Variants in REDIC1 observed in about 807,000 individuals in gnomAD.
REDIC1 encodes HEI10 Interacting Protein 1.
the REDIC1 span, among the ~76,000 whole-genome samples, chr12:39,832,307 T>C: frequency 6.6e-4 from 101 of 152,280 alleles, no homozygotes; most frequent in South Asian, 2.1e-3. Context: ...AATTTAACAA[T>C]ACTAATTGTT....
At chr12:39,797,766 A>G in the REDIC1 span, among the ~76,000 whole-genome samples, 1 of 152,040 alleles carries the variant, frequency 6.6e-6, no homozygotes, top group South Asian at 2.1e-4. Flanking sequence ...ACACACACAC[A>G]CACACACACA....
chr12:39,858,970 C>T, the REDIC1 span, among the ~76,000 whole-genome samples: 3 of 152,028 alleles, frequency 2.0e-5, no homozygotes, highest in Non-Finnish European at 4.4e-5. Context: ...TTACAGTGCT[C>T]ATGTTAATGA....
the REDIC1 span, chr12:39,684,901 C>T: frequency 3.1e-6 from 5 of 1,612,430 alleles, no homozygotes; most frequent in South Asian, 1.1e-5. Flanking sequence ...GCACTCTAAG[C>T]AGTCATGGGA....
At chr12:39,749,775 A>G in the REDIC1 span, among the ~76,000 whole-genome samples, 2 of 152,242 alleles carry the variant, frequency 1.3e-5, no homozygotes, top group Non-Finnish European at 2.9e-5. Context: ...ACGGAAATCA[A>G]TAAAAGTAAT....
the REDIC1 span, among the ~76,000 whole-genome samples, chr12:39,713,325 T>TAC: frequency 2.2e-5 from 3 of 136,376 alleles, no homozygotes; most frequent in Non-Finnish European, 4.7e-5. Context: ...TATATGTGTA[T>TAC]ACACATATAC....
chr12:39,753,304 TA>T, the REDIC1 span, among the ~76,000 whole-genome samples: 2 of 152,150 alleles, frequency 1.3e-5, no homozygotes, highest in Non-Finnish European at 1.5e-5. Context: ...TAGAGAGGGT[TA>T]ATGTCACGGT....
At chr12:39,704,162 G>C in the REDIC1 span, among the ~76,000 whole-genome samples, 4 of 151,054 alleles carry the variant, frequency 2.6e-5, no homozygotes, top group African/African-American at 9.7e-5. Flanking sequence ...GAAAATTTTC[G>C]CATCCTACTC....
chr12:39,757,372 A>G, the REDIC1 span: 5 of 151,876 alleles, frequency 3.3e-5, no homozygotes, highest in African/African-American at 1.2e-4. Context: ...TGATACTACA[A>G]ATGGAATGTT....
chr12:39,841,230 C>A, the REDIC1 span, among the ~76,000 whole-genome samples: 2,215 of 152,250 alleles, frequency 0.015, 27 homozygotes, highest in Middle Eastern at 0.024. Context: ...CTGTTAAAGG[C>A]AGCAATTTAG....
chr12:39,640,339 C>T, the REDIC1 span, among the ~76,000 whole-genome samples: 1 of 151,982 alleles, frequency 6.6e-6, no homozygotes, highest in Middle Eastern at 3.4e-3. Flanking sequence ...TCTGTTGGTG[C>T]CTTGATCTTG....
the REDIC1 span, among the ~76,000 whole-genome samples, chr12:39,675,635 G>A: frequency 1.3e-5 from 2 of 152,194 alleles, no homozygotes; most frequent in African/African-American, 2.4e-5. Flanking sequence ...TTCACTGCTA[G>A]CATAAGCAGC....
At chr12:39,713,792 GATGTATATATGCATGTGTAT>G in the REDIC1 span, among the ~76,000 whole-genome samples, 4 of 146,894 alleles carry the variant, frequency 2.7e-5, no homozygotes, top group African/African-American at 1.0e-4. Flanking sequence ...AATATACATA[GATGTATATATGCATGTGTAT>G]ATATACGTGT....
At chr12:39,790,376 C>T in the REDIC1 span, among the ~76,000 whole-genome samples, 2 of 119,820 alleles carry the variant, frequency 1.7e-5, no homozygotes, top group South Asian at 6.6e-4. Flanking sequence ...CCCCCTCCCC[C>T]CACCCCACCA....
chr12:39,632,449 T>A, the REDIC1 span, among the ~76,000 whole-genome samples: 20 of 152,290 alleles, frequency 1.3e-4, no homozygotes, highest in South Asian at 3.9e-3. Flanking sequence ...TTTTAGAGAT[T>A]GACAACGTAG....
chr12:39,640,779 GT>G, the REDIC1 span, among the ~76,000 whole-genome samples: 1 of 151,462 alleles, frequency 6.6e-6, no homozygotes, highest in East Asian at 1.9e-4. Context: ...AGAAAATTTT[GT>G]GAAACTTCAT....
chr12:39,666,479 T>G, the REDIC1 span, among the ~76,000 whole-genome samples: 6 of 152,226 alleles, frequency 3.9e-5, no homozygotes, highest in Non-Finnish European at 7.3e-5. Context: ...AGTATTTTAT[T>G]GAGGACTTTT....
At chr12:39,713,809 GTATA>G in the REDIC1 span, among the ~76,000 whole-genome samples, 1 of 147,332 alleles carries the variant, frequency 6.8e-6, no homozygotes, top group Non-Finnish European at 1.5e-5. Context: ...ATATGCATGT[GTATA>G]TATACGTGTA....
chr12:39,889,746 G>A, the REDIC1 span, among the ~76,000 whole-genome samples: 1 of 151,858 alleles, frequency 6.6e-6, no homozygotes, highest in Non-Finnish European at 1.5e-5. Flanking sequence ...TGGCCAGGAT[G>A]GTCTTGATTT....
the REDIC1 span, among the ~76,000 whole-genome samples, chr12:39,820,071 A>G: frequency 9.9e-5 from 15 of 152,280 alleles, no homozygotes; most frequent in Admixed American, 9.8e-4. Context: ...TCCATGCAGA[A>G]CAGCTCTAAA....
Sources: gnomAD v4.1 joint callset for allele counts (sites outside exome capture counted in the v4.1 genomes callset) on GRCh38, gnomAD v4.1.1 for gene constraint, MANE v1.5 for transcripts, NCBI Gene and HGNC (gene_info 2026-07-23, HGNC 2026-07-21) for gene names.